KIAA1217: variants seen among roughly 807,000 people sequenced by gnomAD.
KIAA1217 encodes sickle tail protein homolog.
In KIAA1217, 88 loss-of-function variants were observed where a neutral mutation model predicts 163.9. The observed-to-expected ratio is 0.54, with a 90% CI of 0.45 to 0.64. KIAA1217 has a LOEUF of 0.64. KIAA1217 is among the 30% of genes least tolerant of loss of function. The probability of loss-of-function intolerance (pLI) is 0.00; values close to 1 mark genes in which losing one functional copy is unlikely to be tolerated. For missense variants in KIAA1217, 2,372 were observed against 2,475.0 expected (o/e 0.96, Z 0.88); for synonymous variants, 903 against 923.1 (o/e 0.98, Z 0.39).
intron 10 of KIAA1217, among the ~76,000 whole-genome samples, chr10:24,518,023 T>C (rs2070471845): frequency 6.6e-6 from 1 of 151,982 alleles, no homozygotes. Flanking sequence ...TGAAAAGAAA[T>C]TGGGTCTAGA....
At chr10:23,764,977 G>A (rs34851470) in intron 1 of KIAA1217, among the ~76,000 whole-genome samples, 27,140 of 151,968 alleles carry the variant, frequency 0.18, 2,572 homozygotes, top group Middle Eastern at 0.27. Context: ...ACCTGAGACT[G>A]GGTAATTGAT....
chr10:24,389,741 A>G lies in KIAA1217; in HGVS notation c.553+8674A>G, dbSNP rs1281465119. On this transcript the variant is annotated intron_variant, in intron 3 of 20. Transcript: ENST00000376454. The stretch of plus-strand genomic sequence containing the variant: ...TGCTACCACTGAGGCTGGAAAGCAG[A>G]TTCTTTCTGGAATATCCAATGTGCT... Among the ~76,000 whole-genome samples the G allele has an allele frequency of 2.0e-5, 3 of 152,282 alleles. No individual in the cohort carries two copies. In the East Asian group the frequency reaches 5.8e-4, roughly 29 times the overall value.
chr10:23,734,463 A>G (rs1290877113), intron 1 of KIAA1217, among the ~76,000 whole-genome samples: 1 of 151,066 alleles, frequency 6.6e-6, no homozygotes, highest in African/African-American at 2.4e-5. Context: ...ATTTTTTTGT[A>G]TTTTTACTGG....
At chr10:24,284,029 C>T (rs1366786549) in intron 2 of KIAA1217, among the ~76,000 whole-genome samples, 1 of 152,016 alleles carries the variant, frequency 6.6e-6, no homozygotes, top group African/African-American at 2.4e-5. Flanking sequence ...CCTGCCTCAG[C>T]CTCCCGAGTA....
At chr10:23,803,874 T>TGC (rs1836604065) in intron 1 of KIAA1217, among the ~76,000 whole-genome samples, 1 of 152,010 alleles carries the variant, frequency 6.6e-6, no homozygotes. Context: ...TGTGTTTGTA[T>TGC]GCACACACAC....
At chr10:24,148,674 G>C (rs1429200799) in intron 2 of KIAA1217, among the ~76,000 whole-genome samples, 3 of 152,092 alleles carry the variant, frequency 2.0e-5, no homozygotes, top group Non-Finnish European at 4.4e-5. Flanking sequence ...TAAGCTTCCT[G>C]AGGCCTCATC....
chr10:24,255,698 A>T (rs1000656061), intron 2 of KIAA1217: 17 of 273,674 alleles, frequency 6.2e-5, no homozygotes, highest in South Asian at 3.0e-4. Flanking sequence ...CCCAAGAGTC[A>T]GTTGTTCCCA....
At chr10:24,309,516 A>G (rs2042437142) in intron 2 of KIAA1217, among the ~76,000 whole-genome samples, 1 of 152,130 alleles carries the variant, frequency 6.6e-6, no homozygotes, top group Non-Finnish European at 1.5e-5. Flanking sequence ...GTGTTCCCCT[A>G]TTGTATTTGA....
chr10:24,309,012 A>G (rs975829872), intron 2 of KIAA1217, among the ~76,000 whole-genome samples: 4 of 151,542 alleles, frequency 2.6e-5, no homozygotes, highest in African/African-American at 9.7e-5. Context: ...AATCCCAGCT[A>G]CTTGGGAGGC....
intron 6 of KIAA1217, among the ~76,000 whole-genome samples, chr10:24,489,665 C>A (rs1057062410): frequency 6.6e-6 from 1 of 151,726 alleles, no homozygotes; most frequent in Admixed American, 6.6e-5. Flanking sequence ...AGATCAAGAC[C>A]AGCCTGGGCA....
intron 1 of KIAA1217, among the ~76,000 whole-genome samples, chr10:23,697,623 A>T (rs1302281404): frequency 6.6e-6 from 1 of 151,886 alleles, no homozygotes; most frequent in African/African-American, 2.4e-5. Context: ...TAATCCTAGC[A>T]CTGTGGGATG....
At chr10:24,323,351 G>GT (rs980923338) in intron 2 of KIAA1217, among the ~76,000 whole-genome samples, 1 of 152,096 alleles carries the variant, frequency 6.6e-6, no homozygotes, top group African/African-American at 2.4e-5. Flanking sequence ...TAATTTATAC[G>GT]TATGTACAGA....
intron 1 of KIAA1217, among the ~76,000 whole-genome samples, chr10:23,979,829 T>C (rs16924173): frequency 0.036 from 5,468 of 152,260 alleles, 318 homozygotes; most frequent in African/African-American, 0.13. Context: ...GGACCTTCCT[T>C]TGCTGATTTC....
chr10:23,952,079 G>A (rs1844361516), intron 1 of KIAA1217, among the ~76,000 whole-genome samples: 1 of 152,132 alleles, frequency 6.6e-6, no homozygotes, highest in African/African-American at 2.4e-5. Context: ...GCTTACATAT[G>A]GGGATTATCA....
At chr10:24,176,441 A>G (rs1020698719) in intron 2 of KIAA1217, among the ~76,000 whole-genome samples, 1 of 152,136 alleles carries the variant, frequency 6.6e-6, no homozygotes, top group Non-Finnish European at 1.5e-5. Flanking sequence ...TGCATTTACA[A>G]TCCTCTAGCT....
At chr10:24,517,547 C>T (rs948948670) in intron 10 of KIAA1217, among the ~76,000 whole-genome samples, 1 of 152,172 alleles carries the variant, frequency 6.6e-6, no homozygotes, top group Non-Finnish European at 1.5e-5. Flanking sequence ...AGTGATATCC[C>T]TCTTTCCTTC....
chr10:24,028,348 C>T (rs928924832), intron 2 of KIAA1217, among the ~76,000 whole-genome samples: 5 of 151,866 alleles, frequency 3.3e-5, no homozygotes, highest in African/African-American at 9.7e-5. Context: ...CATGCACAAC[C>T]ATAAAAAGTG....
intron 3 of KIAA1217, among the ~76,000 whole-genome samples, chr10:24,381,978 CAGA>C (rs1301082304): frequency 6.6e-6 from 1 of 151,084 alleles, no homozygotes; most frequent in Non-Finnish European, 1.5e-5. Flanking sequence ...TTCTGAAAGG[CAGA>C]AGGATTCTTT....
chr10:24,203,964 G>A (rs956558700), upstream of KIAA1217, among the ~76,000 whole-genome samples: 13 of 152,318 alleles, frequency 8.5e-5, no homozygotes, highest in Middle Eastern at 3.4e-3. Flanking sequence ...CTGTGCACAC[G>A]GGGTCTTTGC....
Sources: allele counts gnomAD v4.1 joint callset (sites outside exome capture counted in the v4.1 genomes callset), GRCh38; gene constraint gnomAD v4.1.1; transcripts MANE v1.5; gene names NCBI Gene and HGNC (gene_info 2026-07-23, HGNC 2026-07-21).